NELL1: variants seen among roughly 807,000 people sequenced by gnomAD.
NELL1 encodes protein kinase C-binding protein NELL1.
A neutral mutation model predicts 107.4 loss-of-function variants in NELL1; 76 were observed. The ratio of observed to expected loss-of-function variants is 0.71; its 90% CI spans 0.59 to 0.86. NELL1 has a LOEUF of 0.86. Ranked by LOEUF, NELL1 falls within the 40% of genes least tolerant of loss-of-function variation. NELL1 has a pLI of 0.00. For synonymous variants in NELL1, 353 were observed against 341.2 expected (o/e 1.03, Z -0.38); for missense variants, 1,024 against 1,005.5 (o/e 1.02, Z -0.25).
At chr11:21,180,811 C>T (rs1241309212) in intron 13 of NELL1, among the ~76,000 whole-genome samples, 1 of 151,484 alleles carries the variant, frequency 6.6e-6, no homozygotes, top group Non-Finnish European at 1.5e-5. Flanking sequence ...AACTTTTTGT[C>T]TGAACATCCA....
intron 14 of NELL1, among the ~76,000 whole-genome samples, chr11:21,357,441 T>C (rs1590865598): frequency 6.6e-6 from 1 of 152,324 alleles, no homozygotes; most frequent in East Asian, 1.9e-4. Context: ...CGTTGGCCAT[T>C]TGTATATCTT....
intron 7 of NELL1, among the ~76,000 whole-genome samples, chr11:20,924,289 C>A (rs1334373485): frequency 6.6e-6 from 1 of 152,100 alleles, no homozygotes; most frequent in East Asian, 1.9e-4. Context: ...ACATGAAGTT[C>A]TTTGAAAAAT....
intron 3 of NELL1, among the ~76,000 whole-genome samples, chr11:20,800,625 A>G (rs1857263505): frequency 6.6e-6 from 1 of 152,126 alleles, no homozygotes; most frequent in Non-Finnish European, 1.5e-5. Flanking sequence ...GTTTGTGAAT[A>G]TTTTCTCCTG....
chr11:21,389,717 A>G (rs755499546), intron 15 of NELL1, among the ~76,000 whole-genome samples: 12 of 151,832 alleles, frequency 7.9e-5, no homozygotes, highest in Non-Finnish European at 2.9e-5. Flanking sequence ...TCAACATTAA[A>G]TTTGTAAGAT....
At chr11:21,531,255 G>A (rs892744458) in intron 15 of NELL1, among the ~76,000 whole-genome samples, 1 of 151,992 alleles carries the variant, frequency 6.6e-6, no homozygotes, top group African/African-American at 2.4e-5. Context: ...ATCCATTTTT[G>A]CATTGAACAC....
At chr11:21,289,382 C>T (rs118060661) in intron 14 of NELL1, among the ~76,000 whole-genome samples, 3,653 of 152,264 alleles carry the variant, frequency 0.024, 80 homozygotes, top group Non-Finnish European at 0.031. Flanking sequence ...CAGGGTGGGG[C>T]GGTTCCTCAC....
At chr11:20,936,604 G>A (rs931884215) in intron 9 of NELL1, among the ~76,000 whole-genome samples, 2 of 152,140 alleles carry the variant, frequency 1.3e-5, no homozygotes, top group Non-Finnish European at 2.9e-5. Flanking sequence ...CACAGCACTT[G>A]CCTCACTTAG....
intron 13 of NELL1, among the ~76,000 whole-genome samples, chr11:21,167,865 T>C (rs575815989): frequency 6.6e-6 from 1 of 151,814 alleles, no homozygotes; most frequent in Non-Finnish European, 1.5e-5. Flanking sequence ...TTTAATGTGC[T>C]CTTCTTTTGA....
At chr11:21,051,618 A>G (rs888487211) in intron 12 of NELL1, among the ~76,000 whole-genome samples, 1 of 152,194 alleles carries the variant, frequency 6.6e-6, no homozygotes. Context: ...CATCCGTGTA[A>G]CTATGGCCTC....
chr11:20,776,973 C>T (rs540019515), intron 2 of NELL1, among the ~76,000 whole-genome samples: 2 of 152,276 alleles, frequency 1.3e-5, no homozygotes, highest in South Asian at 4.1e-4. Flanking sequence ...AAGGGTTGTA[C>T]AAATAGATTG....
At chr11:21,192,289 G>T (rs1857065723) in intron 13 of NELL1, among the ~76,000 whole-genome samples, 1 of 151,862 alleles carries the variant, frequency 6.6e-6, no homozygotes, top group African/African-American at 2.4e-5. Context: ...AACACATTTT[G>T]AATATTTTAA....
At chr11:21,062,341 G>A (rs966112607) in intron 12 of NELL1, among the ~76,000 whole-genome samples, 59 of 152,212 alleles carry the variant, frequency 3.9e-4, no homozygotes, top group African/African-American at 1.4e-3. Context: ...AATTACATAG[G>A]TGGTTCAGAT....
intron 4 of NELL1, among the ~76,000 whole-genome samples, chr11:20,881,035 A>G (rs1341454563): frequency 2.0e-5 from 3 of 152,204 alleles, no homozygotes; most frequent in Non-Finnish European, 2.9e-5. Flanking sequence ...AGTGTAGTAG[A>G]GCTGTGAATC....
chr11:20,692,410 C>T (rs1040810303), intron 2 of NELL1, among the ~76,000 whole-genome samples: 1 of 151,746 alleles, frequency 6.6e-6, no homozygotes, highest in Admixed American at 6.6e-5. Flanking sequence ...CCTGCTTTCT[C>T]TTGTGGGCAT....
At chr11:21,093,804 A>C (rs181043922) in intron 12 of NELL1, among the ~76,000 whole-genome samples, 164 of 152,240 alleles carry the variant, frequency 1.1e-3, no homozygotes, top group Non-Finnish European at 2.1e-3. Context: ...CATGGGAAAG[A>C]CTTGCCCCCA....
chr11:20,943,465 C>A (rs1850899095), intron 10 of NELL1, among the ~76,000 whole-genome samples: 1 of 151,974 alleles, frequency 6.6e-6, no homozygotes, highest in African/African-American at 2.4e-5. Context: ...TGCCTGTAAT[C>A]CCAGCTACTT....
chr11:20,708,684 C>A (rs1298003488), intron 2 of NELL1, among the ~76,000 whole-genome samples: 1 of 152,062 alleles, frequency 6.6e-6, no homozygotes, highest in Non-Finnish European at 1.5e-5. Context: ...TGTCTGTTTA[C>A]TCTGCTGGTT....
intron 5 of NELL1, among the ~76,000 whole-genome samples, chr11:20,896,197 A>G (rs1194702078): frequency 1.3e-5 from 2 of 152,142 alleles, no homozygotes; most frequent in Non-Finnish European, 1.5e-5. Flanking sequence ...TTGTGCCCTC[A>G]TAGCTTAGCT....
chr11:20,733,997 A>T (rs1855705678), intron 2 of NELL1, among the ~76,000 whole-genome samples: 2 of 151,878 alleles, frequency 1.3e-5, no homozygotes, highest in Non-Finnish European at 2.9e-5. Context: ...GGTGATAGGG[A>T]TGTTTTTAGA....
Sources: allele counts gnomAD v4.1 joint callset (sites outside exome capture counted in the v4.1 genomes callset), GRCh38; gene constraint gnomAD v4.1.1; transcripts MANE v1.5; gene names NCBI Gene and HGNC (gene_info 2026-07-23, HGNC 2026-07-21).